DNM3: variants seen among roughly 807,000 people sequenced by gnomAD.
DNM3 encodes the protein dynamin 3.
In DNM3, 47 loss-of-function variants were observed where a neutral mutation model predicts 101.6. The ratio of observed to expected loss-of-function variants is 0.46; its 90% confidence interval spans 0.37 to 0.59. The LOEUF (loss-of-function observed/expected upper bound fraction) is 0.59, where lower values mean the gene tolerates loss of function less well. Ranked by LOEUF, DNM3 falls within the 20% of genes least tolerant of loss-of-function variation. The pLI is 0.00. For synonymous variants in DNM3, 385 were observed against 387.9 expected (o/e 0.99, Z 0.09); for missense variants, 849 against 1,085.7 (o/e 0.78, Z 3.06).
At position 172,278,130 on chromosome 1, in the gene DNM3, G is replaced by C. The variant is rs116233271; in HGVS notation, c.1769+24448G>C. Among the ~76,000 whole-genome samples, 727 of 152,116 alleles carry C rather than the reference G, an allele frequency of 4.8e-3. 3 individuals are homozygous for C. Among genetic ancestry groups the C allele is most frequent in the African/African-American group, 0.017 (687 of 41,514 alleles). On this transcript the variant is annotated intron_variant, in intron 15 of 20. Transcript: ENST00000627582. ...TCTACTTTTTTTGTATTCTGTTCAA[G>C]GTACAAGAGAATCAAAATGACAAAG...
At chr1:172,207,430 T>G (rs1361772707) in intron 14 of DNM3, among the ~76,000 whole-genome samples, 2 of 152,130 alleles carry the variant, frequency 1.3e-5, no homozygotes, top group African/African-American at 2.4e-5. Context: ...TCATGGGAAC[T>G]TAATTGAATA....
intron 2 of DNM3, among the ~76,000 whole-genome samples, chr1:171,949,078 A>G (rs908935587): frequency 6.6e-5 from 10 of 152,188 alleles, no homozygotes; most frequent in African/African-American, 1.7e-4. Flanking sequence ...TATCATTTTC[A>G]TGAGATAAAT....
intron 17 of DNM3, among the ~76,000 whole-genome samples, chr1:172,369,729 C>A (rs948584033): frequency 8.6e-5 from 13 of 151,876 alleles, no homozygotes; most frequent in Non-Finnish European, 1.5e-5. Context: ...TGCAAAATAT[C>A]TTATTAATAC....
chr1:172,247,434 C>A (rs1046341718), intron 14 of DNM3, among the ~76,000 whole-genome samples: 3 of 152,034 alleles, frequency 2.0e-5, no homozygotes, highest in Non-Finnish European at 4.4e-5. Flanking sequence ...ATAGAATATT[C>A]TGTTAGTCTG....
chr1:172,093,635 A>G, intron 13 of DNM3: 1 of 1,481,442 alleles, frequency 6.8e-7, no homozygotes, highest in Non-Finnish European at 9.2e-7. Context: ...AGAGGTAATA[A>G]CAGACTTTAT....
intron 14 of DNM3, among the ~76,000 whole-genome samples, chr1:172,185,345 A>G (rs1558692090): frequency 6.6e-6 from 1 of 152,158 alleles, no homozygotes; most frequent in Non-Finnish European, 1.5e-5. Context: ...ATTGGAATGC[A>G]GAGAAAAAGG....
chr1:171,850,297 A>G (rs1409284679), intron 1 of DNM3, among the ~76,000 whole-genome samples: 2 of 152,190 alleles, frequency 1.3e-5, no homozygotes, highest in Non-Finnish European at 2.9e-5. Flanking sequence ...TAACTTGTTA[A>G]CCATCAGTTT....
At chr1:172,234,238 A>G (rs1303000708) in intron 14 of DNM3, among the ~76,000 whole-genome samples, 1 of 152,154 alleles carries the variant, frequency 6.6e-6, no homozygotes, top group African/African-American at 2.4e-5. Flanking sequence ...GCATTCTTAC[A>G]CACCAATAAC....
intron 4 of DNM3, among the ~76,000 whole-genome samples, chr1:172,000,290 G>A (rs1444290657): frequency 1.3e-5 from 2 of 152,094 alleles, no homozygotes; most frequent in Admixed American, 6.6e-5. Flanking sequence ...CATGCCAAAT[G>A]TGGCTGAGAG....
intron 14 of DNM3, chr1:172,138,796 T>C: frequency 2.4e-6 from 1 of 421,070 alleles, no homozygotes; most frequent in South Asian, 1.8e-5. Flanking sequence ...TGGTTGTCAT[T>C]CAGGCTGGGT....
intron 14 of DNM3, among the ~76,000 whole-genome samples, chr1:172,217,483 TA>T (rs2060745808): frequency 6.6e-6 from 1 of 152,178 alleles, no homozygotes; most frequent in Non-Finnish European, 1.5e-5. Flanking sequence ...GACAAGGCTC[TA>T]AATGGACTGG....
intron 12 of DNM3, among the ~76,000 whole-genome samples, chr1:172,091,302 GCAGA>G (rs2053891412): frequency 6.6e-6 from 1 of 152,164 alleles, no homozygotes; most frequent in East Asian, 1.9e-4. Context: ...ATGGAAAAGG[GCAGA>G]CAAACACAAA....
intron 2 of DNM3, among the ~76,000 whole-genome samples, chr1:171,943,960 A>G (rs536591470): frequency 6.6e-6 from 1 of 152,336 alleles, no homozygotes; most frequent in South Asian, 2.1e-4. Context: ...TTGATAGAAT[A>G]AATTCAATAA....
chr1:172,244,839 A>G (rs1050191812), intron 14 of DNM3, among the ~76,000 whole-genome samples: 44 of 152,302 alleles, frequency 2.9e-4, no homozygotes, highest in African/African-American at 7.5e-4. Flanking sequence ...ATTTGACCCA[A>G]CCATCCCATT....
chr1:172,081,772 A>G (rs1302952363), intron 11 of DNM3, 60 bp from the exon 12 acceptor site: 7 of 1,399,018 alleles, frequency 5.0e-6, no homozygotes, highest in Non-Finnish European at 6.0e-6. Context: ...CAATTACTGA[A>G]TTTAATGTTT....
intron 13 of DNM3, among the ~76,000 whole-genome samples, chr1:172,094,744 A>T (rs926380767): frequency 6.6e-6 from 1 of 152,222 alleles, no homozygotes; most frequent in African/African-American, 2.4e-5. Flanking sequence ...GTACAAGAAG[A>T]TTATAAAATT....
Position 172,196,996 on chromosome 1 carries a change from G to A in DNM3, c.1660-56577G>A, listed in dbSNP as rs571076506. ...AAATCTTTGCCTTTTCCTATGTCCA[G>A]GATAGCATTGCCTAGGTTGTATTCT... On this transcript the variant is annotated intron_variant, in intron 14 of 20. Coordinates refer to ENST00000627582, the MANE Select transcript of DNM3 (RefSeq NM_015569.5). Among the ~76,000 whole-genome samples, 37 of 152,104 alleles carry A rather than the reference G, an allele frequency of 2.4e-4. No homozygotes were observed. The South Asian group carries it at 7.7e-3, about 32-fold the overall frequency.
chr1:172,219,906 T>C (rs1459926988), intron 14 of DNM3, among the ~76,000 whole-genome samples: 1 of 145,112 alleles, frequency 6.9e-6, no homozygotes, highest in South Asian at 2.2e-4. Flanking sequence ...ACTCTCAAAA[T>C]AGAAGACCCT....
intron 13 of DNM3, chr1:172,093,802 T>C: frequency 7.1e-7 from 1 of 1,408,342 alleles, no homozygotes; most frequent in South Asian, 1.3e-5. Context: ...CTTTAACTGA[T>C]TAACTCAACT....
Sources: allele counts gnomAD v4.1 joint callset (sites outside exome capture counted in the v4.1 genomes callset), GRCh38; gene constraint gnomAD v4.1.1; transcripts MANE v1.5; gene names NCBI Gene and HGNC (gene_info 2026-07-23, HGNC 2026-07-21).